Variants in STXBP6 observed in about 807,000 individuals in gnomAD.
STXBP6 encodes syntaxin-binding protein 6.
Under a neutral mutation model 26.9 loss-of-function variants are expected in STXBP6, and 21 were observed. The observed-to-expected ratio is 0.78, with a 90% CI of 0.55 to 1.12. STXBP6 has a LOEUF of 1.12. Ranked by LOEUF, STXBP6 falls within the 50% of genes most tolerant of loss-of-function variation. The pLI is 0.00. For synonymous variants in STXBP6, 97 were observed against 92.6 expected (o/e 1.05, Z -0.27); for missense variants, 232 against 257.9 (o/e 0.90, Z 0.69).
In STXBP6 at chr14:25,049,645, G is replaced by A. The variant is rs1342686637; in HGVS notation, c.-33+233C>T. ...GGGTCCCAGGGTTGGAGAGAACCAG[G>A]GACACGAGTCCCTCTCTGCGCGCAC... is the stretch of plus-strand genomic sequence containing the variant. On this transcript the variant is annotated intron_variant, in intron 1 of 5. Transcript: ENST00000323944. The surrounding 1 kb of genome is among the most constrained non-coding windows in gnomAD (Gnocchi z 5.6). 1 of 985,398 alleles carries A rather than the reference G, an allele frequency of 1.0e-6. No homozygotes were observed. The highest frequency in any genetic ancestry group is 1.2e-6 in the Non-Finnish European group (1 of 830,030). The allele number at this position is 985,398 out of a possible 1,614,324, so 61.0% of individuals were successfully genotyped here.
At chr14:25,041,270 C>T (rs1157794747) in intron 1 of STXBP6, among the ~76,000 whole-genome samples, 1 of 151,878 alleles carries the variant, frequency 6.6e-6, no homozygotes, top group Non-Finnish European at 1.5e-5. Flanking sequence ...AGCATGTGAT[C>T]GTGCCATTCC....
intron 4 of STXBP6, among the ~76,000 whole-genome samples, chr14:24,840,329 C>G (rs2068749067): frequency 6.6e-6 from 1 of 152,202 alleles, no homozygotes. Context: ...GTGACAGAGG[C>G]CTCTTGAGCC....
At chr14:24,925,564 C>A (rs2072133626) in intron 2 of STXBP6, among the ~76,000 whole-genome samples, 1 of 152,168 alleles carries the variant, frequency 6.6e-6, no homozygotes, top group Non-Finnish European at 1.5e-5. Flanking sequence ...GCTGTCCCGT[C>A]CCCAAGGAGG....
intron 1 of STXBP6, among the ~76,000 whole-genome samples, chr14:24,997,248 A>G (rs77696145): frequency 0.042 from 6,460 of 152,210 alleles, 158 homozygotes; most frequent in Middle Eastern, 0.085. Flanking sequence ...CATGAACTGA[A>G]GCCAAGTCAA....
intron 2 of STXBP6, among the ~76,000 whole-genome samples, chr14:24,948,819 T>C (rs1008676079): frequency 6.6e-6 from 1 of 152,212 alleles, no homozygotes; most frequent in Non-Finnish European, 1.5e-5. Context: ...CACATAACAA[T>C]AAAGACACAA....
At chr14:24,903,707 GAT>G (rs1185515301) in intron 2 of STXBP6, among the ~76,000 whole-genome samples, 1 of 152,072 alleles carries the variant, frequency 6.6e-6, no homozygotes, top group Non-Finnish European at 1.5e-5. Flanking sequence ...ATCTAACACA[GAT>G]GGATAAAAAA....
At chr14:24,996,392 C>T (rs2074602728) in intron 1 of STXBP6, among the ~76,000 whole-genome samples, 1 of 152,152 alleles carries the variant, frequency 6.6e-6, no homozygotes, top group Admixed American at 6.5e-5. Context: ...ACTGGGCTTC[C>T]TATACCTGAA....
chr14:24,928,392 G>GT (rs371068134), intron 2 of STXBP6, among the ~76,000 whole-genome samples: 36,298 of 150,230 alleles, frequency 0.24, 4,533 homozygotes, highest in African/African-American at 0.32. Context: ...CTTTTTTTTT[G>GT]TTTTTTTCCT....
chr14:24,873,726 A>G (rs552684784), intron 2 of STXBP6, among the ~76,000 whole-genome samples: 1 of 152,248 alleles, frequency 6.6e-6, no homozygotes, highest in South Asian at 2.1e-4. Context: ...CCTTTTCCTG[A>G]GGACTCTTTT....
At chr14:24,896,203 T>C (rs182825666) in intron 2 of STXBP6, among the ~76,000 whole-genome samples, 211 of 152,258 alleles carry the variant, frequency 1.4e-3, no homozygotes, top group Non-Finnish European at 1.9e-3. Context: ...TGTGTTCACC[T>C]GCCAGCCTGT....
At position 24,975,973 on chromosome 14, in the gene STXBP6, G is replaced by C. The variant is rs17109393; in HGVS notation, c.-32-1123C>G. 4.6e-3 allele frequency among the ~76,000 whole-genome samples: 706 copies of C among 152,282 alleles called. 12 individuals carry two copies. The highest frequency in any genetic ancestry group is 0.016 in the African/African-American group (681 of 41,544). ...AGAGGGCCCATGGGTTGGACATGCA[G>C]AGTATCAGAGATCCCGCATATGGAT... On this transcript the variant is annotated intron_variant, in intron 1 of 5. Transcript: ENST00000323944.
intron 1 of STXBP6, among the ~76,000 whole-genome samples, chr14:24,986,151 A>G (rs2074327015): frequency 6.6e-6 from 1 of 152,092 alleles, no homozygotes; most frequent in Admixed American, 6.5e-5. Flanking sequence ...TTTTCTTGGG[A>G]ATTGGCTTGA....
intron 1 of STXBP6, chr14:24,987,889 T>C: frequency 1.0e-6 from 1 of 985,464 alleles, no homozygotes; most frequent in Non-Finnish European, 1.2e-6. Flanking sequence ...CACTTACTCA[T>C]TCAATATCAC....
chr14:24,876,909 G>C (rs572677061), intron 2 of STXBP6, among the ~76,000 whole-genome samples: 1 of 152,320 alleles, frequency 6.6e-6, no homozygotes, highest in East Asian at 1.9e-4. Context: ...TTGAGCTGAA[G>C]ATGTTAAGCC....
rs77834490 is a variant in STXBP6 at position 25,033,076 on chromosome 14, T to C, written c.-33+16802A>G. On this transcript the variant is annotated intron_variant, in intron 1 of 5. Transcript: ENST00000323944. ...ACAAAAGGTACATGAGTGGCTATTA[T>C]AAGTAATACTGTGAGGATTCAAACT... 4.1e-3 allele frequency among the ~76,000 whole-genome samples: 623 copies of C among 152,288 alleles called. 14 individuals carry two copies. The East Asian group carries it at 0.042, about 10-fold the overall frequency.
At chr14:24,837,706 T>C (rs2068660258) in intron 4 of STXBP6, among the ~76,000 whole-genome samples, 1 of 152,106 alleles carries the variant, frequency 6.6e-6, no homozygotes, top group Non-Finnish European at 1.5e-5. Flanking sequence ...AAATTAAAAA[T>C]TAAGAGTCAA....
At chr14:25,025,887 A>G (rs538163805) in intron 1 of STXBP6, among the ~76,000 whole-genome samples, 36 of 152,190 alleles carry the variant, frequency 2.4e-4, no homozygotes, top group African/African-American at 8.4e-4. Context: ...TAAACACTCA[A>G]CTGTTTAGCT....
In STXBP6 at chr14:24,991,013, G is replaced by A. The variant is rs548403067; in HGVS notation, c.-32-16163C>T. On this transcript the variant is annotated intron_variant, in intron 1 of 5. Transcript: ENST00000323944. ...GAAGAGAAAAAGGAGAGTAGGAGGA[G>A]AGAGAAAGAGAAGAGAGACAGAAGA... 1.9e-4 allele frequency among the ~76,000 whole-genome samples: 28 copies of A among 151,226 alleles called. No homozygotes were observed. In the East Asian group the frequency reaches 5.1e-3, roughly 28 times the overall value.
intron 2 of STXBP6, among the ~76,000 whole-genome samples, chr14:24,906,318 T>G (rs1409848466): frequency 6.6e-6 from 1 of 152,162 alleles, no homozygotes; most frequent in African/African-American, 2.4e-5. Flanking sequence ...GCAAAAAAAT[T>G]TAAAACTCAG....
Sources: allele counts gnomAD v4.1 joint callset (sites outside exome capture counted in the v4.1 genomes callset), GRCh38; gene constraint gnomAD v4.1.1; non-coding constraint Gnocchi (gnomAD v3.1); transcripts MANE v1.5; gene names NCBI Gene and HGNC (gene_info 2026-07-23, HGNC 2026-07-21).